The following CDH9 variants were observed in gnomAD, a reference collection of about 807,000 sequenced individuals.
The protein encoded by CDH9 is cadherin 9, also known as cadherin-9.
CDH9 carries 28 observed loss-of-function variants against 70.9 expected under a neutral mutation model. The observed-to-expected ratio is 0.40, with a 90% confidence interval of 0.29 to 0.54. CDH9 has a LOEUF of 0.54. CDH9 is among the 20% of genes least tolerant of loss of function. The pLI is 0.59. For missense variants in CDH9, 874 were observed against 984.4 expected (o/e 0.89, Z 1.50); for synonymous variants, 409 against 343.1 (o/e 1.19, Z -2.12).
At chr5:26,926,621 G>T (rs894585872) in intron 2 of CDH9, among the ~76,000 whole-genome samples, 1 of 151,966 alleles carries the variant, frequency 6.6e-6, no homozygotes, top group Non-Finnish European at 1.5e-5. Context: ...AACCAAAAAA[G>T]AGCCCACATA....
In CDH9 at chr5:26,944,218, T is replaced by G. The variant is rs577439090; in HGVS notation, c.229-28294A>C. ...TTTATTTCTTTAGATTCTTGCTATA[T>G]CTCACTGATTTTCCATTTCCTATCT... is the stretch of plus-strand genomic sequence containing the variant. On this transcript the variant is annotated intron_variant, in intron 2 of 11. Coordinates refer to ENST00000231021, the MANE Select transcript of CDH9 (RefSeq NM_016279.4). Among the ~76,000 whole-genome samples the G allele has an allele frequency of 2.1e-4, 31 of 148,674 alleles. 1 individual carries two copies. In the South Asian group the frequency reaches 6.6e-3, roughly 32 times the overall value.
chr5:26,961,694 C>A (rs776217633), intron 2 of CDH9, among the ~76,000 whole-genome samples: 1 of 152,014 alleles, frequency 6.6e-6, no homozygotes, highest in East Asian at 1.9e-4. Flanking sequence ...TCAAACCAAC[C>A]AATTAACCTA....
intron 2 of CDH9, among the ~76,000 whole-genome samples, chr5:26,941,028 C>T (rs1256460108): frequency 1.3e-5 from 2 of 152,184 alleles, no homozygotes; most frequent in Admixed American, 6.5e-5. Context: ...TAAATAATCA[C>T]TGAATGAGAA....
At chr5:26,905,133 G>A (rs1220620420) in intron 5 of CDH9, among the ~76,000 whole-genome samples, 1 of 152,016 alleles carries the variant, frequency 6.6e-6, no homozygotes, top group East Asian at 1.9e-4. Flanking sequence ...TGAGATTAGC[G>A]ATATGAATTT....
chr5:26,935,680 A>G (rs911332457), intron 2 of CDH9, among the ~76,000 whole-genome samples: 2 of 152,186 alleles, frequency 1.3e-5, no homozygotes, highest in African/African-American at 4.8e-5. Context: ...TACAACCACT[A>G]TGGAAAACAG....
Position 26,963,206 on chromosome 5 carries a change from C to G in CDH9, c.228+24900G>C, listed in dbSNP as rs187018593. On this transcript the variant is annotated intron_variant, in intron 2 of 11. Transcript: ENST00000231021. Reference sequence around the variant, plus strand: ...TTAGACCTTTGCCCTTTTAGAGAAACAGTGCTAGTTTTGCCTGGAGGAAAA... The same window carrying G: ...TTAGACCTTTGCCCTTTTAGAGAAAGAGTGCTAGTTTTGCCTGGAGGAAAA... 2.0e-5 allele frequency among the ~76,000 whole-genome samples: 3 copies of G among 152,080 alleles called. No individual in the cohort carries two copies. In the East Asian group the frequency reaches 5.8e-4, roughly 29 times the overall value.
intron 2 of CDH9, among the ~76,000 whole-genome samples, chr5:26,939,525 C>T (rs1741622342): frequency 6.6e-6 from 1 of 151,272 alleles, no homozygotes; most frequent in African/African-American, 2.4e-5. Flanking sequence ...TTTACAGTGA[C>T]AAAATAATGA....
At chr5:26,906,576 G>A in intron 4 of CDH9, 143 bp downstream of exon 4, 4 of 1,258,420 alleles carry the variant, frequency 3.2e-6, no homozygotes, top group Non-Finnish European at 4.2e-6. Flanking sequence ...GTTTGCATTT[G>A]TTTACATCCA....
intron 2 of CDH9, among the ~76,000 whole-genome samples, chr5:26,949,582 T>C (rs961434586): frequency 2.6e-5 from 4 of 152,206 alleles, no homozygotes; most frequent in African/African-American, 9.6e-5. Flanking sequence ...AGAAGAAACA[T>C]TGAACTCATG....
chr5:26,908,853 T>C (rs760243279), intron 3 of CDH9, among the ~76,000 whole-genome samples: 1 of 152,216 alleles, frequency 6.6e-6, no homozygotes, highest in Non-Finnish European at 1.5e-5. Context: ...GATATGTTAT[T>C]TTTTAGCAAA....
In CDH9 at chr5:26,998,433, A is replaced by G. The variant is rs561527667; in HGVS notation, c.-49-10051T>C. On this transcript the variant is annotated intron_variant, in intron 1 of 11. Coordinates refer to ENST00000231021, the MANE Select transcript of CDH9 (RefSeq NM_016279.4). ...ATGAGTTCATGTCCTTTGAAGGGAT[A>G]TGGATGAAGCTGGAAGCCATCATTC... Among the ~76,000 whole-genome samples the G allele has an allele frequency of 3.9e-5, 6 of 152,240 alleles. No homozygotes were observed. In the South Asian group the frequency reaches 1.0e-3, roughly 26 times the overall value.
chr5:26,932,989 T>TA (rs11391193), intron 2 of CDH9, among the ~76,000 whole-genome samples: 147,457 of 147,460 alleles, frequency 1, 73,727 homozygotes, highest in Middle Eastern at 1. Context: ...ATTATATAGA[T>TA]AAAATTTAGA....
chr5:27,005,529 G>T (rs1312413394), intron 1 of CDH9, among the ~76,000 whole-genome samples: 1 of 152,094 alleles, frequency 6.6e-6, no homozygotes, highest in Non-Finnish European at 1.5e-5. Flanking sequence ...AGATGCTGAC[G>T]AGGTCGTGGA....
chr5:27,036,307 C>A (rs142575782), intron 1 of CDH9, among the ~76,000 whole-genome samples: 1 of 151,848 alleles, frequency 6.6e-6, no homozygotes, highest in South Asian at 2.1e-4. Flanking sequence ...CAGAACAAAT[C>A]CCTCCATGTA....
At chr5:26,926,926 C>A (rs925029149) in intron 2 of CDH9, among the ~76,000 whole-genome samples, 5 of 143,710 alleles carry the variant, frequency 3.5e-5, no homozygotes, top group Non-Finnish European at 7.6e-5. Flanking sequence ...AGCCCCCCCC[C>A]GCAAAAAAAA....
At chr5:26,890,030 C>T in intron 8 of CDH9, 73 bp from the exon 9 acceptor site, 2 of 1,378,496 alleles carry the variant, frequency 1.5e-6, no homozygotes, top group Non-Finnish European at 2.0e-6. Flanking sequence ...CCATTTGTAG[C>T]TTAGCAACAG....
rs570475607 is a variant in CDH9 at position 27,032,003 on chromosome 5, A to T, written c.-50+6460T>A. ...TTAAATAAAATCATCTGACATATTT[A>T]GCTATTGAAAAACCAAGTTTAACAA... is the stretch of plus-strand genomic sequence containing the variant. On this transcript the variant is annotated intron_variant, in intron 1 of 11. Transcript: ENST00000231021. Among the ~76,000 whole-genome samples the T allele has an allele frequency of 1.6e-4, 25 of 152,036 alleles. 1 individual carries two copies. The South Asian group carries it at 5.0e-3, about 30-fold the overall frequency.
At chr5:26,947,527 C>T (rs948340578) in intron 2 of CDH9, among the ~76,000 whole-genome samples, 1 of 152,084 alleles carries the variant, frequency 6.6e-6, no homozygotes, top group Non-Finnish European at 1.5e-5. Context: ...CCTAAGGAAG[C>T]TTTATGTATA....
chr5:26,963,192 C>T (rs1026128640), intron 2 of CDH9, among the ~76,000 whole-genome samples: 2 of 152,066 alleles, frequency 1.3e-5, no homozygotes, highest in Non-Finnish European at 2.9e-5. Context: ...TAGACCTTTG[C>T]CCTTTTAGAG....
Sources: gnomAD v4.1 joint callset for allele counts (sites outside exome capture counted in the v4.1 genomes callset) on GRCh38, gnomAD v4.1.1 for gene constraint, MANE v1.5 for transcripts, NCBI Gene and HGNC (gene_info 2026-07-23, HGNC 2026-07-21) for gene names.